The following CUX2 variants were observed in gnomAD, a reference collection of about 807,000 sequenced individuals.
CUX2 encodes cut like homeobox 2, also known as homeobox protein cut-like 2.
In CUX2, 40 loss-of-function variants were observed where a neutral mutation model predicts 144.8. The observed-to-expected ratio is 0.28, with a 90% confidence interval of 0.21 to 0.36. The LOEUF is 0.36. Ranked by LOEUF, CUX2 falls within the 10% of genes least tolerant of loss-of-function variation. The probability of loss-of-function intolerance (pLI) is 1.00; values close to 1 mark genes in which losing one functional copy is unlikely to be tolerated. For missense variants in CUX2, 1,615 were observed against 1,994.0 expected, an observed-to-expected ratio of 0.81 and a Z score of 3.62; for synonymous variants, 827 against 875.6, an observed-to-expected ratio of 0.94 and a Z score of 0.98.
At chr12:111,174,206 G>GTC (rs1566272873) in intron 1 of CUX2, among the ~76,000 whole-genome samples, 9 of 152,322 alleles carry the variant, frequency 5.9e-5, no homozygotes, top group Admixed American at 1.3e-4. Context: ...GGCTGCCAGG[G>GTC]TGGAAGTGAG....
chr12:111,100,108 G>C (rs766826742), intron 1 of CUX2: 6 of 455,812 alleles, frequency 1.3e-5, no homozygotes, highest in Non-Finnish European at 2.2e-5. Context: ...GGAGGCAGGA[G>C]CTGCCCAGGG....
chr12:111,196,596 A>G (rs897085822), intron 1 of CUX2, among the ~76,000 whole-genome samples: 3 of 152,174 alleles, frequency 2.0e-5, no homozygotes, highest in Non-Finnish European at 4.4e-5. Context: ...GGTGGGGGGC[A>G]TACAACAAAA....
At chr12:111,051,499 T>TG (rs1870263724) in intron 1 of CUX2, among the ~76,000 whole-genome samples, 1 of 152,132 alleles carries the variant, frequency 6.6e-6, no homozygotes, top group African/African-American at 2.4e-5. Flanking sequence ...AGTAACTTTT[T>TG]TTTTTTGTTT....
intron 1 of CUX2, among the ~76,000 whole-genome samples, chr12:111,071,375 G>A (rs947958066): frequency 3.3e-5 from 5 of 152,090 alleles, no homozygotes; most frequent in South Asian, 2.1e-4. Context: ...GATGATATAC[G>A]ACTTGGAGCA....
At chr12:111,106,805 A>G (rs1873633331) in intron 1 of CUX2, among the ~76,000 whole-genome samples, 1 of 152,222 alleles carries the variant, frequency 6.6e-6, no homozygotes, top group East Asian at 1.9e-4. Flanking sequence ...GCAGGGAGGC[A>G]TAGAATCTCT....
At chr12:111,298,211 G>A (rs1014679746) in intron 8 of CUX2, among the ~76,000 whole-genome samples, 4 of 152,192 alleles carry the variant, frequency 2.6e-5, no homozygotes, top group East Asian at 1.9e-4. Flanking sequence ...CGGCCTCCCC[G>A]GAGAACACTG....
intron 3 of CUX2, among the ~76,000 whole-genome samples, chr12:111,249,913 A>G (rs1000016037): frequency 2.6e-5 from 4 of 152,194 alleles, no homozygotes; most frequent in African/African-American, 7.2e-5. Flanking sequence ...GTGATGAACC[A>G]GTGTCAAGAC....
intron 4 of CUX2, among the ~76,000 whole-genome samples, chr12:111,284,744 C>G (rs1187318810): frequency 6.6e-6 from 1 of 152,206 alleles, no homozygotes; most frequent in East Asian, 1.9e-4. Flanking sequence ...TTCTTGCTCT[C>G]GCTCTAATCA....
At chr12:111,308,598 C>A (rs970144356) in intron 14 of CUX2, 72 bp downstream of exon 14, 3 of 1,290,968 alleles carry the variant, frequency 2.3e-6, no homozygotes, top group African/African-American at 1.5e-5. Flanking sequence ...CCTTCTCATG[C>A]CCAAGGACCA....
At chr12:111,058,367 G>C (rs1870619448) in intron 1 of CUX2, among the ~76,000 whole-genome samples, 1 of 152,240 alleles carries the variant, frequency 6.6e-6, no homozygotes, top group African/African-American at 2.4e-5. Flanking sequence ...CCTCTCCAAG[G>C]AGGCCTCTCT....
Position 111,307,362 on chromosome 12 carries a change from C to T in CUX2, c.1109+105C>T. ...TCCCTCCTACTAAACCCCATTTGTT[C>T]TTCTCTCCACTAACACTGTGGATAT... On this transcript the variant is annotated intron_variant, in intron 12 of 21. Coordinates refer to ENST00000261726, the MANE Select transcript of CUX2 (RefSeq NM_015267.4). This position sits in a 1 kb window ranked among gnomAD's most constrained non-coding sequence, Gnocchi z 4.1. The T allele has an allele frequency of 2.0e-6, 2 of 984,740 alleles. No individual in the cohort carries two copies. The highest frequency in any genetic ancestry group is 1.5e-5 in the South Asian group (1 of 67,558). The allele number at this position is 984,740 out of a possible 1,614,324, so 61.0% of individuals were successfully genotyped here.
chr12:111,245,694 G>T lies in CUX2; in HGVS notation c.223-18067G>T, dbSNP rs115831868. On this transcript the variant is annotated intron_variant, in intron 3 of 21. Transcript: ENST00000261726. ...CAATAAGGAGCATTCGAGCTAAGAG[G>T]TTTTCTCTGCGTTTTGTGTCAGGTG... Among the ~76,000 whole-genome samples the T allele has an allele frequency of 2.6e-3, 394 of 152,262 alleles. 4 individuals carry two copies. Among genetic ancestry groups the T allele is most frequent in the African/African-American group, 9.3e-3 (388 of 41,550 alleles).
At chr12:111,067,186 G>C (rs1871055229) in intron 1 of CUX2, among the ~76,000 whole-genome samples, 1 of 152,178 alleles carries the variant, frequency 6.6e-6, no homozygotes, top group Admixed American at 6.5e-5. Flanking sequence ...CTCAACCCAG[G>C]AAGACAGGGA....
rs959913547 is a variant in CUX2 at position 111,347,840 on chromosome 12, G to T, written c.3976G>T (p.Gly1326Cys). The change falls in exon 22 of 22, where the codon GGT becomes TGT. Residue 1326 changes from glycine (G) to cysteine (C), a missense_variant. Physicochemically the swap from Gly to Cys is radical, Grantham distance 159. This residue lies in a region of CUX2 where 298 missense variants were observed against 330.4 expected (regional missense o/e 0.90). Coordinates refer to ENST00000261726, the MANE Select transcript of CUX2 (RefSeq NM_015267.4). Reference protein sequence around the residue: ...QDSGELDKGQGPPKEEHPDPP... With the variant: ...QDSGELDKGQCPPKEEHPDPP... ...CTCAGGGGAGCTGGACAAAGGCCAA[G>T]GTCCCCCCAAAGAGGAGCATCCCGA... 4.0e-5 allele frequency: 64 copies of T among 1,613,974 alleles called. No homozygotes were observed. Among genetic ancestry groups the T allele is most frequent in the Non-Finnish European group, 5.4e-5 (64 of 1,180,026 alleles).
intron 1 of CUX2, among the ~76,000 whole-genome samples, chr12:111,038,438 G>C (rs1276839779): frequency 6.6e-6 from 1 of 152,254 alleles, no homozygotes; most frequent in East Asian, 1.9e-4. Context: ...GCAGAGCTTG[G>C]CATGGCTCAG....
At chr12:111,311,074 C>T (rs899630603) in intron 15 of CUX2, among the ~76,000 whole-genome samples, 1 of 152,210 alleles carries the variant, frequency 6.6e-6, no homozygotes, top group Non-Finnish European at 1.5e-5. Context: ...CCAGCTGTGG[C>T]CTCACAAATG....
At chr12:111,133,561 C>G (rs1282280484) in intron 1 of CUX2, among the ~76,000 whole-genome samples, 1 of 152,216 alleles carries the variant, frequency 6.6e-6, no homozygotes, top group African/African-American at 2.4e-5. Context: ...TCAGTTACCT[C>G]CCTTTGGGTC....
At chr12:111,204,311 G>C (rs1203241153) in intron 1 of CUX2, among the ~76,000 whole-genome samples, 2 of 152,246 alleles carry the variant, frequency 1.3e-5, no homozygotes, top group Admixed American at 1.3e-4. Flanking sequence ...AGGTGGGCCT[G>C]ATGTCCCACA....
At chr12:111,069,520 CTGTGTGTGTGTGTGTGTGTG>C (rs150243402) in intron 1 of CUX2, among the ~76,000 whole-genome samples, 1 of 139,692 alleles carries the variant, frequency 7.2e-6, no homozygotes, top group Non-Finnish European at 1.6e-5. Flanking sequence ...AAGCCTTGCT[CTGTGTGTGTGTGTGTGTGTG>C]TGTGTGTGTG....
Sources: allele counts gnomAD v4.1 joint callset (sites outside exome capture counted in the v4.1 genomes callset), GRCh38; gene constraint gnomAD v4.1.1; regional missense constraint gnomAD v4.1.1; non-coding constraint Gnocchi (gnomAD v3.1); transcripts MANE v1.5; gene names NCBI Gene and HGNC (gene_info 2026-07-23, HGNC 2026-07-21).